The following GDA variants were observed in gnomAD, a reference collection of about 807,000 sequenced individuals.
The protein encoded by GDA is guanine deaminase.
Under a neutral mutation model 59.6 loss-of-function variants are expected in GDA, and 18 were observed. The observed-to-expected ratio is 0.30, with a 90% confidence interval of 0.21 to 0.45. The LOEUF is 0.45. Among genes scored for constraint, GDA ranks in the 20% least tolerant of loss-of-function variants. The pLI is 1.00. For missense variants in GDA, 427 were observed against 552.3 expected (o/e 0.77, Z 2.27); for synonymous variants, 201 against 201.1 (o/e 1.00, Z 0.00).
At chr9:72,137,150 A>G (rs1826255062) in intron 1 of GDA, among the ~76,000 whole-genome samples, 1 of 151,728 alleles carries the variant, frequency 6.6e-6, no homozygotes, top group African/African-American at 2.4e-5. Flanking sequence ...TTGGAGTGAA[A>G]TTTAAGATCC....
At chr9:72,220,732 G>C (rs1836749841) in intron 6 of GDA, among the ~76,000 whole-genome samples, 1 of 152,110 alleles carries the variant, frequency 6.6e-6, no homozygotes, top group Non-Finnish European at 1.5e-5. Flanking sequence ...CTCAACATTG[G>C]CTCTGGCCAC....
intron 1 of GDA, among the ~76,000 whole-genome samples, chr9:72,160,761 G>A (rs571650724): frequency 5.9e-5 from 9 of 152,282 alleles, no homozygotes; most frequent in Non-Finnish European, 1.0e-4. Flanking sequence ...TTGCCTAACC[G>A]TGTGATAAAC....
chr9:72,129,761 C>T (rs1483185203), intron 1 of GDA, among the ~76,000 whole-genome samples: 3 of 152,062 alleles, frequency 2.0e-5, no homozygotes, highest in African/African-American at 7.2e-5. Flanking sequence ...GTAACTGCCC[C>T]AATGACTCTC....
intron 1 of GDA, among the ~76,000 whole-genome samples, chr9:72,120,945 T>G: frequency 6.6e-6 from 1 of 152,196 alleles, no homozygotes; most frequent in East Asian, 1.9e-4. Context: ...TCTCTACTTG[T>G]GCTCTGGATC....
chr9:72,130,830 C>G (rs1587309661), intron 1 of GDA, among the ~76,000 whole-genome samples: 1 of 148,420 alleles, frequency 6.7e-6, no homozygotes, highest in East Asian at 1.9e-4. Flanking sequence ...ATAATCCAGG[C>G]AGATAAGAGT....
intron 1 of GDA, among the ~76,000 whole-genome samples, chr9:72,140,950 C>T (rs1285470563): frequency 6.6e-6 from 1 of 152,144 alleles, no homozygotes; most frequent in Non-Finnish European, 1.5e-5. Context: ...TTGAGGTTTT[C>T]TGTCACTTTC....
chr9:72,143,012 A>G (rs1037859573), intron 1 of GDA, among the ~76,000 whole-genome samples: 3 of 151,048 alleles, frequency 2.0e-5, no homozygotes, highest in Non-Finnish European at 4.4e-5. Context: ...CAGATGATCC[A>G]CCTGCCTCGG....
intron 1 of GDA, among the ~76,000 whole-genome samples, chr9:72,139,485 C>G (rs1404656139): frequency 6.6e-6 from 1 of 152,154 alleles, no homozygotes; most frequent in Non-Finnish European, 1.5e-5. Flanking sequence ...AGTCTGTAGT[C>G]TGAGATCTAA....
downstream of GDA, among the ~76,000 whole-genome samples, chr9:72,258,256 T>C (rs898500186): frequency 6.6e-6 from 1 of 151,452 alleles, no homozygotes; most frequent in Non-Finnish European, 1.5e-5. Flanking sequence ...GTGGCTGCAG[T>C]GAGCTGTGAT....
intron 12 of GDA, among the ~76,000 whole-genome samples, chr9:72,247,089 C>G (rs1232288947): frequency 2.6e-5 from 4 of 152,016 alleles, no homozygotes; most frequent in Admixed American, 6.5e-5. Flanking sequence ...TACATCATAC[C>G]CGTCTTGAAA....
chr9:72,191,749 CTGATTTTTTG>C (rs1420581683), intron 1 of GDA, among the ~76,000 whole-genome samples: 1 of 152,086 alleles, frequency 6.6e-6, no homozygotes, highest in Non-Finnish European at 1.5e-5. Flanking sequence ...CCACACCCAG[CTGATTTTTTG>C]TATTTTTTAG....
intron 5 of GDA, among the ~76,000 whole-genome samples, chr9:72,216,265 G>A (rs192130900): frequency 6.6e-6 from 1 of 152,310 alleles, no homozygotes; most frequent in Admixed American, 6.5e-5. Flanking sequence ...GGAGAAATGG[G>A]AACAGAACCC....
downstream of GDA, among the ~76,000 whole-genome samples, chr9:72,258,697 A>T (rs796097641): frequency 1.1e-4 from 17 of 152,334 alleles, 1 homozygote; most frequent in Admixed American, 5.2e-4. Flanking sequence ...GACTGACCAA[A>T]CACAAACGGG....
intron 10 of GDA, among the ~76,000 whole-genome samples, chr9:72,234,578 G>A (rs184340265): frequency 6.6e-6 from 1 of 152,190 alleles, no homozygotes; most frequent in East Asian, 1.9e-4. Context: ...AAACCACAGA[G>A]CCAACACATG....
At chr9:72,186,356 T>A (rs1831859140) in intron 1 of GDA, among the ~76,000 whole-genome samples, 1 of 152,152 alleles carries the variant, frequency 6.6e-6, no homozygotes, top group African/African-American at 2.4e-5. Context: ...CCAAGCACAC[T>A]CCCATTTTGG....
intron 2 of GDA, among the ~76,000 whole-genome samples, chr9:72,196,839 G>A (rs952122964): frequency 2.0e-5 from 3 of 151,292 alleles, no homozygotes; most frequent in Non-Finnish European, 2.9e-5. Context: ...GAGAACATGC[G>A]GTGTTTGGTT....
At chr9:72,164,179 A>G (rs939524419) in intron 1 of GDA, among the ~76,000 whole-genome samples, 2 of 152,182 alleles carry the variant, frequency 1.3e-5, no homozygotes, top group African/African-American at 4.8e-5. Flanking sequence ...TAAAATGTAG[A>G]GTAAAGGTTG....
intron 3 of GDA, among the ~76,000 whole-genome samples, chr9:72,206,008 A>G (rs1026102081): frequency 6.6e-6 from 1 of 152,210 alleles, no homozygotes; most frequent in African/African-American, 2.4e-5. Context: ...AAGGTGCTTA[A>G]AATTTTGAAA....
At chr9:72,215,645 C>T (rs997503351) in intron 5 of GDA, among the ~76,000 whole-genome samples, 1 of 152,068 alleles carries the variant, frequency 6.6e-6, no homozygotes, top group Non-Finnish European at 1.5e-5. Context: ...ACTCTACTAC[C>T]TGTAATAAAA....
Sources: gnomAD v4.1 joint callset for allele counts (sites outside exome capture counted in the v4.1 genomes callset) on GRCh38, gnomAD v4.1.1 for gene constraint, MANE v1.5 for transcripts, NCBI Gene and HGNC (gene_info 2026-07-23, HGNC 2026-07-21) for gene names.